SLIT3: variants seen among roughly 807,000 people sequenced by gnomAD.
SLIT3 encodes the protein slit guidance ligand 3.
A neutral mutation model predicts 184.0 loss-of-function variants in SLIT3; 68 were observed. The ratio of observed to expected loss-of-function variants is 0.37; its 90% CI spans 0.30 to 0.45. The LOEUF (loss-of-function observed/expected upper bound fraction) is 0.45. SLIT3 is among the 20% of genes least tolerant of loss of function. The probability of loss-of-function intolerance (pLI) is 1.00; values close to 1 mark genes in which losing one functional copy is unlikely to be tolerated. For synonymous variants in SLIT3, 831 were observed against 828.6 expected (o/e 1.00, Z -0.05); for missense variants, 1,707 against 2,026.0 (o/e 0.84, Z 3.02).
chr5:169,122,287 A>G (rs969302243), intron 4 of SLIT3, among the ~76,000 whole-genome samples: 2 of 152,196 alleles, frequency 1.3e-5, no homozygotes, highest in African/African-American at 2.4e-5. Context: ...AGAACCAAGA[A>G]TAACTATTTG....
At chr5:168,699,030 A>AGG (rs1312019619) in intron 27 of SLIT3, among the ~76,000 whole-genome samples, 2 of 152,292 alleles carry the variant, frequency 1.3e-5, no homozygotes, top group African/African-American at 4.8e-5. Flanking sequence ...GGGGCAGCCC[A>AGG]GGCTGTGTGC....
intron 4 of SLIT3, among the ~76,000 whole-genome samples, chr5:168,925,484 C>G (rs1005394074): frequency 3.3e-5 from 5 of 152,178 alleles, no homozygotes; most frequent in Non-Finnish European, 7.3e-5. Context: ...CCACCTAACT[C>G]ATTTCTCTAT....
At chr5:169,079,297 GCT>G (rs760456603) in intron 4 of SLIT3, among the ~76,000 whole-genome samples, 4 of 152,102 alleles carry the variant, frequency 2.6e-5, no homozygotes, top group Non-Finnish European at 4.4e-5. Flanking sequence ...CCTGCTTTCA[GCT>G]CTCTTTTGTT....
intron 4 of SLIT3, among the ~76,000 whole-genome samples, chr5:169,000,438 G>A (rs10462894): frequency 0.026 from 3,639 of 141,974 alleles, 126 homozygotes; most frequent in East Asian, 0.12. Flanking sequence ...GGATATTAAC[G>A]TAATCTTTTC....
At chr5:168,820,880 G>A in intron 7 of SLIT3, among the ~76,000 whole-genome samples, 1 of 152,234 alleles carries the variant, frequency 6.6e-6, no homozygotes. Flanking sequence ...CAATATAAAA[G>A]CTTTCCTTTA....
intron 4 of SLIT3, among the ~76,000 whole-genome samples, chr5:169,068,550 A>G (rs948413619): frequency 1.3e-5 from 2 of 152,224 alleles, no homozygotes; most frequent in African/African-American, 4.8e-5. Context: ...TGGCCAAAGC[A>G]AAGAGAGAAA....
chr5:169,235,164 A>G (rs1267860602), intron 3 of SLIT3, among the ~76,000 whole-genome samples: 3 of 152,176 alleles, frequency 2.0e-5, no homozygotes, highest in Non-Finnish European at 4.4e-5. Flanking sequence ...TAAGTTTGTT[A>G]GAACCTCTTT....
At chr5:168,668,475 C>G (rs1761125335) in intron 35 of SLIT3, among the ~76,000 whole-genome samples, 1 of 152,220 alleles carries the variant, frequency 6.6e-6, no homozygotes, top group Admixed American at 6.5e-5. Context: ...AAAGAACCAT[C>G]CAGACTGCTC....
chr5:168,804,441 G>C (rs146193466), intron 9 of SLIT3, among the ~76,000 whole-genome samples: 1 of 151,996 alleles, frequency 6.6e-6, no homozygotes, highest in East Asian at 1.9e-4. Context: ...TAGTATGTTG[G>C]AAGGCCGTAG....
At chr5:169,228,939 A>G (rs1359758930) in intron 3 of SLIT3, among the ~76,000 whole-genome samples, 1 of 152,246 alleles carries the variant, frequency 6.6e-6, no homozygotes, top group East Asian at 1.9e-4. Context: ...ACACTCTAAT[A>G]ACTTAATCAA....
intron 4 of SLIT3, among the ~76,000 whole-genome samples, chr5:168,884,346 G>C (rs528244413): frequency 3.3e-5 from 5 of 150,760 alleles, no homozygotes; most frequent in African/African-American, 1.2e-4. Context: ...GCGTGGTCGG[G>C]GGGTGCAGAG....
intron 12 of SLIT3, among the ~76,000 whole-genome samples, chr5:168,775,706 C>T (rs1047621360): frequency 1.4e-4 from 21 of 152,154 alleles, no homozygotes; most frequent in African/African-American, 2.4e-5. Context: ...TATGCAGCTT[C>T]AAGGGTCTCA....
chr5:168,798,217 C>CTTT (rs1448584547), intron 9 of SLIT3, among the ~76,000 whole-genome samples: 3 of 81,128 alleles, frequency 3.7e-5, no homozygotes, highest in Non-Finnish European at 6.8e-5. Flanking sequence ...TTTTCTTCTT[C>CTTT]TTCTTCTTTT....
At position 169,300,857 on chromosome 5, in the gene SLIT3, G is replaced by C. The variant is rs1187447937; in HGVS notation, c.-148C>G. 7 of 771,424 alleles carry C rather than the reference G, an allele frequency of 9.1e-6. No homozygotes were observed. The highest frequency in any genetic ancestry group is 4.7e-5 in the Admixed American group (1 of 21,220). The allele number at this position is 771,424 out of a possible 1,614,324, so 47.8% of individuals were successfully genotyped here. A position where few individuals can be genotyped will look rare whatever the true frequency, so the allele number is the denominator to read the frequency against. ...GGGCGAGCTCGGTGCTCAGGCGCAC[G>C]GGGCGCGGGCGGAGCGGGGCGCTCC... On this transcript the variant is annotated 5_prime_UTR_variant, in exon 1 of 36. Coordinates refer to ENST00000519560, the MANE Select transcript of SLIT3 (RefSeq NM_003062.4). The surrounding 1 kb of genome is among the most constrained non-coding windows in gnomAD (Gnocchi z 4.1).
chr5:169,118,957 T>C (rs775600838), intron 4 of SLIT3, among the ~76,000 whole-genome samples: 10 of 152,224 alleles, frequency 6.6e-5, no homozygotes, highest in Non-Finnish European at 1.5e-4. Context: ...ACTTATTGTG[T>C]GCCAGACACT....
chr5:169,030,965 C>T (rs565657619), intron 4 of SLIT3, among the ~76,000 whole-genome samples: 63 of 152,218 alleles, frequency 4.1e-4, no homozygotes, highest in Non-Finnish European at 7.9e-4. Context: ...CTTGGAAAGG[C>T]GAGGCAGACA....
chr5:169,169,953 T>A (rs1178130442), intron 4 of SLIT3, among the ~76,000 whole-genome samples: 1 of 152,064 alleles, frequency 6.6e-6, no homozygotes, highest in Middle Eastern at 3.2e-3. Context: ...TCCCCTGGGG[T>A]GGAAGCCTGT....
intron 9 of SLIT3, among the ~76,000 whole-genome samples, chr5:168,801,183 T>A (rs1463179158): frequency 6.6e-6 from 1 of 152,104 alleles, no homozygotes; most frequent in East Asian, 1.9e-4. Flanking sequence ...TCCCACCCTA[T>A]CACCCCTCCT....
intron 4 of SLIT3, among the ~76,000 whole-genome samples, chr5:169,178,006 T>C (rs1010437135): frequency 6.6e-6 from 1 of 152,152 alleles, no homozygotes; most frequent in Non-Finnish European, 1.5e-5. Flanking sequence ...AGAAAAAAAG[T>C]ACATCATGAC....
Sources: allele counts gnomAD v4.1 joint callset (sites outside exome capture counted in the v4.1 genomes callset), GRCh38; gene constraint gnomAD v4.1.1; non-coding constraint Gnocchi (gnomAD v3.1); transcripts MANE v1.5; gene names NCBI Gene and HGNC (gene_info 2026-07-23, HGNC 2026-07-21).